Variants in C15orf39 observed in about 807,000 individuals in gnomAD.
C15orf39 encodes PRMT2 interacting protein.
A neutral mutation model predicts 53.9 loss-of-function variants in C15orf39; 24 were observed. The observed-to-expected ratio is 0.45, with a 90% CI of 0.32 to 0.63. The LOEUF (loss-of-function observed/expected upper bound fraction) is 0.63, where lower values mean the gene tolerates loss of function less well. Ranked by LOEUF, C15orf39 falls within the 20% of genes least tolerant of loss-of-function variation. C15orf39 has a pLI of 0.04. For missense variants in C15orf39, 1,271 were observed against 1,347.9 expected, an observed-to-expected ratio of 0.94 and a Z score of 0.89; for synonymous variants, 569 against 576.5, an observed-to-expected ratio of 0.99 and a Z score of 0.19.
Position 75,206,894 on chromosome 15 carries a change from C to A in C15orf39, c.846C>A (p.Ala282=), listed in dbSNP as rs1330716119. The change falls in exon 2 of 3, where the codon GCC becomes GCA. Residue 282 remains alanine (A), a synonymous_variant. Transcript: ENST00000394987. Reference sequence around the variant, plus strand: ...ACCCACCACCCCACCCTCCACAGGCCCTGCCTTGCCCTCCAGCCTGTCGCC... The same window carrying A: ...ACCCACCACCCCACCCTCCACAGGCACTGCCTTGCCCTCCAGCCTGTCGCC... ...PHHPPPHPPQ[A]LPCPPACRHP... 1 of 1,492,772 alleles carries A rather than the reference C, an allele frequency of 6.7e-7. No homozygotes were observed. Among genetic ancestry groups the A allele is most frequent in the Middle Eastern group, 2.4e-4 (1 of 4,196 alleles). 92.5% of individuals were successfully genotyped at this position (1,492,772 alleles called of 1,614,324 possible).
chr15:75,201,576 A>G (rs2070401030), upstream of C15orf39, among the ~76,000 whole-genome samples: 1 of 152,240 alleles, frequency 6.6e-6, no homozygotes, highest in Admixed American at 6.5e-5. This position sits in a 1 kb window ranked among gnomAD's most constrained non-coding sequence, Gnocchi z 4.7. Flanking sequence ...CAAATAAGGA[A>G]ACTGAAGCTC....
In C15orf39 at chr15:75,207,496, G is replaced by A; in HGVS notation, c.1448G>A (p.Cys483Tyr). Residue 483 changes from cysteine to tyrosine, a missense_variant, in exon 2 of 3, where the codon TGC becomes TAC. This residue lies in a region of C15orf39 where 994 missense variants were observed against 993.7 expected (regional missense o/e 1.00). Coordinates refer to ENST00000394987, the MANE Select transcript of C15orf39 (RefSeq NM_015492.5). ...GCACTGCCCCCCTGTGCCCGGGAGTGCCAGTCTCTTCCACAGAAGGAGGGC... is the reference window on the plus strand; with the variant it reads ...GCACTGCCCCCCTGTGCCCGGGAGTACCAGTCTCTTCCACAGAAGGAGGGC... Reference protein sequence around the residue: ...PPALPPCARECQSLPQKEGAR... With the variant: ...PPALPPCAREYQSLPQKEGAR... The A allele has an allele frequency of 1.2e-6, 2 of 1,613,518 alleles. No individual in the cohort carries two copies. The highest frequency in any genetic ancestry group is 1.7e-6 in the Non-Finnish European group (2 of 1,179,930).
chr15:75,208,768 A>T lies in C15orf39; in HGVS notation c.2720A>T (p.Asp907Val). 3 of 1,608,032 alleles carry T rather than the reference A, an allele frequency of 1.9e-6. No individual in the cohort carries two copies. The highest frequency in any genetic ancestry group is 1.7e-6 in the Non-Finnish European group (2 of 1,179,760). ...LKLLALRQLP[D>V]IYPDLLGLQW... ...TTACTGGCGCTGCGCCAGCTGCCGG[A>T]CATTTACCCCGACCTTCTCGGCCTG... The change falls in exon 2 of 3, where the codon GAC (aspartate) becomes GTC (valine). Residue 907 changes from aspartate to valine, a missense_variant. Physicochemically the swap from Asp to Val is radical, Grantham distance 152. Around this residue, in one of 2 missense-constraint regions of C15orf39, gnomAD observed 277 missense variants for 354.1 expected, o/e 0.78. Coordinates refer to ENST00000394987, the MANE Select transcript of C15orf39 (RefSeq NM_015492.5).
Position 75,208,750 on chromosome 15 carries a change from C to T in C15orf39, c.2702C>T (p.Ala901Val), listed in dbSNP as rs372930854. 5.0e-6 allele frequency: 8 copies of T among 1,607,288 alleles called. No homozygotes were observed. Among genetic ancestry groups the T allele is most frequent in the African/African-American group, 1.3e-5 (1 of 74,932 alleles). Residue 901 changes from alanine to valine, a missense_variant, in exon 2 of 3, where the codon GCG becomes GTG. Coordinates refer to ENST00000394987, the MANE Select transcript of C15orf39 (RefSeq NM_015492.5). ...ACCTCACGCATGCTGAAGTTACTGG[C>T]GCTGCGCCAGCTGCCGGACATTTAC... ...GCTSRMLKLL[A>V]LRQLPDIYPD... is the part of the protein sequence containing the mutation.
rs2070456906 is a variant in C15orf39, at chr15:75,208,314, A to C, written c.2266A>C (p.Thr756Pro). 1.3e-6 allele frequency: 2 copies of C among 1,575,864 alleles called. No homozygotes were observed. Among genetic ancestry groups the C allele is most frequent in the Non-Finnish European group, 1.7e-6 (2 of 1,160,526 alleles). ...AGTTGCAGGCCCTGCTCCAGCATCT[A>C]CTTCAGCCCCAGGGGACTCCCTGGA... ...APVAGPAPAS[T>P]SAPGDSLEQH... Residue 756 changes from threonine to proline, a missense_variant, in exon 2 of 3, where the codon ACT (threonine) becomes CCT (proline). This residue lies in a region of C15orf39 where 994 missense variants were observed against 993.7 expected (regional missense o/e 1.00). Transcript: ENST00000394987.
chr15:75,200,619 G>A (rs1326914291), upstream of C15orf39, among the ~76,000 whole-genome samples: 1 of 152,154 alleles, frequency 6.6e-6, no homozygotes, highest in African/African-American at 2.4e-5. Context: ...CTAGCTGTCC[G>A]CGCGCAGATG....
At chr15:75,208,909 G>C in intron 2 of C15orf39, 85 bp downstream of exon 2, 1 of 1,499,432 alleles carries the variant, frequency 6.7e-7, no homozygotes, top group South Asian at 1.3e-5. Context: ...TCACAGCTGG[G>C]GCTGAGTGAT....
rs1243123690 is a variant in C15orf39, at chr15:75,201,980, C to G, written c.-130C>G. 1 of 152,092 alleles carries G rather than the reference C, an allele frequency of 6.6e-6. No individual in the cohort carries two copies. The highest frequency in any genetic ancestry group is 1.5e-5 in the Non-Finnish European group (1 of 68,040). The allele number at this position is 152,092 out of a possible 1,614,324, so 9.4% of individuals were successfully genotyped here. On this transcript the variant is annotated 5_prime_UTR_variant, in exon 1 of 3. Coordinates refer to ENST00000394987, the MANE Select transcript of C15orf39 (RefSeq NM_015492.5). This position sits in a 1 kb window ranked among gnomAD's most constrained non-coding sequence, Gnocchi z 4.7. ...GCGCAGGGCCCGGTCGGACTAGGACCCGCGGCCTGAGAGACGCTGGAGGAT... is the reference window on the plus strand; with the variant it reads ...GCGCAGGGCCCGGTCGGACTAGGACGCGCGGCCTGAGAGACGCTGGAGGAT...
chr15:75,211,245 C>G lies in C15orf39; in HGVS notation c.*129C>G. The G allele has an allele frequency of 7.6e-7, 1 of 1,311,486 alleles. No homozygotes were observed. Among genetic ancestry groups the G allele is most frequent in the Non-Finnish European group, 1.0e-6 (1 of 977,468 alleles). 81.2% of individuals were successfully genotyped at this position (1,311,486 alleles called of 1,614,324 possible). A position where few individuals can be genotyped will look rare whatever the true frequency, so the allele number is the denominator to read the frequency against. On this transcript the variant is annotated 3_prime_UTR_variant, in exon 3 of 3. Transcript: ENST00000394987. ...CCCCTGGAGGGGTTCCATCTCTGAC[C>G]CTGTGGCCCATTCAGGGTGGGCTGA...
chr15:75,209,067 C>A (rs1285234430), intron 2 of C15orf39: 1 of 580,662 alleles, frequency 1.7e-6, no homozygotes. Flanking sequence ...GGAAACTCCT[C>A]GGCCTCCCCT....
chr15:75,208,070 T>C lies in C15orf39; in HGVS notation c.2022T>C (p.Ala674=). Residue 674 remains alanine, a synonymous_variant, in exon 2 of 3, where the codon GCT becomes GCC. Transcript: ENST00000394987. ...AAVVPSTPTS[A]PAPTQPAPTP... ...TGGTCCCGTCCACGCCCACCTCAGC[T>C]CCTGCTCCCACACAGCCTGCACCCA... is the stretch of plus-strand genomic sequence containing the variant. 1 of 1,614,044 alleles carries C rather than the reference T, an allele frequency of 6.2e-7. No homozygotes were observed. The highest frequency in any genetic ancestry group is 8.5e-7 in the Non-Finnish European group (1 of 1,180,016).
chr15:75,206,141 GC>G lies in C15orf39; in HGVS notation c.97del (p.His33ThrfsTer56). 1 of 1,613,924 alleles carries G rather than the reference GC, an allele frequency of 6.2e-7. No individual in the cohort carries two copies. The highest frequency in any genetic ancestry group is 8.5e-7 in the Non-Finnish European group (1 of 1,179,946). Reference protein sequence around the residue: ...ETDSGLEHSLPHSVGNQDPCT... With the variant: ...ETDSGLEHSLXHSVGNQDPCT... The stretch of plus-strand genomic sequence containing the variant: ...CAGACTCCGGGCTCGAGCACAGCCT[GC>G]CCCACTCTGTTGGTAACCAGGATCC... On this transcript the variant is annotated frameshift_variant, in exon 2 of 3. Transcript: ENST00000394987. LOFTEE classifies it high-confidence loss of function.
intron 1 of C15orf39, among the ~76,000 whole-genome samples, chr15:75,203,869 C>T (rs1472033497): frequency 6.6e-6 from 1 of 152,194 alleles, no homozygotes; most frequent in Non-Finnish European, 1.5e-5. Context: ...TGGGGGCTTT[C>T]ACCCCTCGAT....
chr15:75,208,944 G>C (rs983306486), intron 2 of C15orf39, 120 bp downstream of exon 2: 11 of 1,445,160 alleles, frequency 7.6e-6, no homozygotes, highest in Non-Finnish European at 1.0e-5. Context: ...CCCGGGTAGG[G>C]GGCTTTAGGA....
At chr15:75,204,644 A>G (rs2070426031) in intron 1 of C15orf39, among the ~76,000 whole-genome samples, 2 of 152,164 alleles carry the variant, frequency 1.3e-5, no homozygotes, top group Non-Finnish European at 1.5e-5. Context: ...CGTAGCTGGG[A>G]TTACAGGCAT....
chr15:75,204,888 G>C (rs760413397), intron 1 of C15orf39, among the ~76,000 whole-genome samples: 7 of 152,342 alleles, frequency 4.6e-5, no homozygotes, highest in South Asian at 4.1e-4. Flanking sequence ...GCCATCTGCA[G>C]CTTGGGGGCT....
intron 1 of C15orf39, among the ~76,000 whole-genome samples, chr15:75,205,549 A>T (rs535846310): frequency 2.6e-5 from 4 of 152,142 alleles, no homozygotes; most frequent in Non-Finnish European, 5.9e-5. Flanking sequence ...CAGGAGCAGT[A>T]GGTGGTTCAT....
intron 1 of C15orf39, 110 bp from the exon 2 acceptor site, chr15:75,205,889 A>T: frequency 2.8e-6 from 2 of 712,924 alleles, no homozygotes; most frequent in Non-Finnish European, 4.5e-6. Context: ...AGCATCATTT[A>T]AGCGCCAGGT....
At chr15:75,210,706 G>C in intron 2 of C15orf39, 43 bp from the exon 3 acceptor site, 1 of 1,552,108 alleles carries the variant, frequency 6.4e-7, no homozygotes, top group South Asian at 1.2e-5. Flanking sequence ...GGTGGGACCT[G>C]AGGGTATGGG....
Sources: gnomAD v4.1 joint callset for allele counts (sites outside exome capture counted in the v4.1 genomes callset) on GRCh38, gnomAD v4.1.1 for gene constraint, gnomAD v4.1.1 regional missense constraint, Gnocchi (gnomAD v3.1) non-coding constraint, MANE v1.5 for transcripts, NCBI Gene and HGNC (gene_info 2026-07-23, HGNC 2026-07-21) for gene names.